ESRRG: variants seen among roughly 807,000 people sequenced by gnomAD.
The protein encoded by ESRRG is estrogen-related receptor gamma.
In ESRRG, 13 loss-of-function variants were observed where a neutral mutation model predicts 44.0. That is an observed-to-expected ratio of 0.30 (90% CI 0.19 to 0.47). ESRRG has a LOEUF of 0.47. Ranked by LOEUF, ESRRG falls within the 20% of genes least tolerant of loss-of-function variation. The probability of loss-of-function intolerance (pLI) is 1.00; values close to 1 mark genes in which losing one functional copy is unlikely to be tolerated. For missense variants in ESRRG, 395 were observed against 580.6 expected (o/e 0.68, Z 3.29); for synonymous variants, 215 against 214.6 (o/e 1.00, Z -0.02).
chr1:216,811,187 T>C (rs1360202512), intron 2 of ESRRG, among the ~76,000 whole-genome samples: 1 of 152,182 alleles, frequency 6.6e-6, no homozygotes, highest in East Asian at 1.9e-4. Context: ...TGGGAGAAGA[T>C]AGGACCTATC....
At chr1:216,989,508 C>A (rs2075367929) in intron 1 of ESRRG, among the ~76,000 whole-genome samples, 1 of 150,018 alleles carries the variant, frequency 6.7e-6, no homozygotes, top group African/African-American at 2.4e-5. Flanking sequence ...CAGTTGAAAT[C>A]ATCAACCAAT....
chr1:216,538,905 A>T (rs1249173672), intron 5 of ESRRG, among the ~76,000 whole-genome samples: 3 of 152,078 alleles, frequency 2.0e-5, no homozygotes, highest in Non-Finnish European at 1.5e-5. Context: ...TTCATCGAAC[A>T]GGCAAGGGAG....
At chr1:216,774,746 A>G (rs1310357466) in intron 2 of ESRRG, among the ~76,000 whole-genome samples, 3 of 151,966 alleles carry the variant, frequency 2.0e-5, no homozygotes, top group Non-Finnish European at 4.4e-5. Flanking sequence ...AAAAAGGAAT[A>G]TAGAAACAAT....
chr1:216,757,135 T>G (rs1023060706), intron 2 of ESRRG, among the ~76,000 whole-genome samples: 1 of 152,066 alleles, frequency 6.6e-6, no homozygotes, highest in African/African-American at 2.4e-5. Context: ...TAAATCTTTA[T>G]TATAAAGATT....
At chr1:216,943,341 C>T (rs61818593) in intron 1 of ESRRG, among the ~76,000 whole-genome samples, 2,729 of 152,308 alleles carry the variant, frequency 0.018, 42 homozygotes, top group Middle Eastern at 0.024. Flanking sequence ...TCTACCATCA[C>T]CAGCAGCTGC....
At chr1:216,673,370 C>T (rs2075553942) in intron 2 of ESRRG, among the ~76,000 whole-genome samples, 1 of 152,190 alleles carries the variant, frequency 6.6e-6, no homozygotes, top group South Asian at 2.1e-4. Context: ...AAGTGAGCAC[C>T]ACAGTGTGAT....
At chr1:216,814,837 C>T (rs1363691560) in intron 2 of ESRRG, among the ~76,000 whole-genome samples, 1 of 152,176 alleles carries the variant, frequency 6.6e-6, no homozygotes, top group African/African-American at 2.4e-5. Context: ...CCAATTTCCC[C>T]AAGAACGTAA....
intron 2 of ESRRG, among the ~76,000 whole-genome samples, chr1:216,898,037 G>A (rs192901806): frequency 9.2e-4 from 140 of 152,230 alleles, no homozygotes; most frequent in Non-Finnish European, 1.4e-3. Context: ...CCACCACTTC[G>A]CAAATTATAA....
chr1:216,753,082 G>T (rs1315436846), intron 2 of ESRRG, among the ~76,000 whole-genome samples: 1 of 151,850 alleles, frequency 6.6e-6, no homozygotes, highest in Non-Finnish European at 1.5e-5. Context: ...GAAATAATAT[G>T]TGTGGCTTTG....
At chr1:217,014,075 T>C (rs2079009616) in intron 1 of ESRRG, among the ~76,000 whole-genome samples, 2 of 152,072 alleles carry the variant, frequency 1.3e-5, no homozygotes. Flanking sequence ...TCCTTTGACC[T>C]TTGTTTTTTA....
intron 5 of ESRRG, among the ~76,000 whole-genome samples, chr1:216,533,749 A>C (rs144232268): frequency 5.9e-5 from 9 of 152,148 alleles, no homozygotes; most frequent in Non-Finnish European, 1.0e-4. Flanking sequence ...AGTATTTCCT[A>C]AGCATCCCTA....
Position 217,102,629 on chromosome 1 carries a change from C to A in ESRRG, c.-230+35038G>T, listed in dbSNP as rs147013288. ...ACTTTACACTCAGACTTCTGAATAA[C>A]CTTCCCCAAAGCATGGTTTTTGTCC... On this transcript the variant is annotated intron_variant, in intron 1 of 8. Transcript: ENST00000366940. Among the ~76,000 whole-genome samples, 11 of 152,286 alleles carry A rather than the reference C, an allele frequency of 7.2e-5. No homozygotes were observed. In the East Asian group the frequency reaches 2.1e-3, roughly 29 times the overall value.
intron 1 of ESRRG, among the ~76,000 whole-genome samples, chr1:216,682,741 T>TG (rs1553496190): frequency 6.6e-6 from 1 of 151,108 alleles, no homozygotes; most frequent in Non-Finnish European, 1.5e-5. Context: ...TGTGTGTGTG[T>TG]TTTATGCTTT....
At chr1:216,889,320 C>T (rs2149384761) in intron 2 of ESRRG, among the ~76,000 whole-genome samples, 1 of 152,250 alleles carries the variant, frequency 6.6e-6, no homozygotes, top group East Asian at 1.9e-4. Flanking sequence ...AGGAAATGGT[C>T]AACGTAGAGG....
intron 1 of ESRRG, among the ~76,000 whole-genome samples, chr1:217,053,481 G>C (rs2086506233): frequency 6.6e-6 from 1 of 150,902 alleles, no homozygotes; most frequent in African/African-American, 2.4e-5. Context: ...AAGAAAGAAA[G>C]AAAGAAAGAA....
At chr1:217,052,998 G>T (rs947923247) in intron 1 of ESRRG, among the ~76,000 whole-genome samples, 35 of 152,040 alleles carry the variant, frequency 2.3e-4, no homozygotes, top group African/African-American at 8.4e-4. Context: ...TTCTTCCTTG[G>T]TTATATCAAA....
intron 1 of ESRRG, among the ~76,000 whole-genome samples, chr1:216,981,723 A>G (rs1003788626): frequency 2.0e-5 from 3 of 152,088 alleles, no homozygotes; most frequent in East Asian, 1.9e-4. Context: ...ACACACATGC[A>G]CACATACGCA....
intron 1 of ESRRG, among the ~76,000 whole-genome samples, chr1:216,720,246 A>G (rs11572668): frequency 6.6e-6 from 1 of 152,116 alleles, no homozygotes; most frequent in East Asian, 1.9e-4. Flanking sequence ...CAAGGTTACA[A>G]AACTACAGCT....
intron 3 of ESRRG, among the ~76,000 whole-genome samples, chr1:216,570,362 G>C (rs2060554225): frequency 6.6e-6 from 1 of 152,122 alleles, no homozygotes; most frequent in Admixed American, 6.5e-5. Context: ...AGCACTCCAT[G>C]CCTACAGCAG....
Sources: allele counts gnomAD v4.1 joint callset (sites outside exome capture counted in the v4.1 genomes callset), GRCh38; gene constraint gnomAD v4.1.1; transcripts MANE v1.5; gene names NCBI Gene and HGNC (gene_info 2026-07-23, HGNC 2026-07-21).